Variants in DGKD observed in about 807,000 individuals in gnomAD.
The protein encoded by DGKD is diacylglycerol kinase delta.
A neutral mutation model predicts 154.4 loss-of-function variants in DGKD; 68 were observed. The observed-to-expected ratio is 0.44, with a 90% CI of 0.36 to 0.54. The LOEUF is 0.54. Ranked by LOEUF, DGKD falls within the 20% of genes least tolerant of loss-of-function variation. The pLI is 0.00. For missense variants in DGKD, 1,343 were observed against 1,593.6 expected, an observed-to-expected ratio of 0.84 and a Z score of 2.68; for synonymous variants, 693 against 638.0, an observed-to-expected ratio of 1.09 and a Z score of -1.30.
chr2:233,415,992 A>C (rs1288573610), intron 3 of DGKD, among the ~76,000 whole-genome samples: 1 of 152,198 alleles, frequency 6.6e-6, no homozygotes, highest in Non-Finnish European at 1.5e-5. Flanking sequence ...ACCAGAGGGA[A>C]AAGAAAAAAA....
In DGKD at chr2:233,388,253, T is replaced by G; in HGVS notation, c.157-4T>G. ...AGTTTATGAATATGTTTCTGTACTT[T>G]CAGACCATCATCAAAGAGGGGATGC... On this transcript the variant is annotated splice_polypyrimidine_tract_variant and splice_region_variant and intron_variant, in intron 1 of 29. Transcript: ENST00000264057. 6.2e-7 allele frequency: 1 copy of G among 1,611,552 alleles called. No homozygotes were observed. Among genetic ancestry groups the G allele is most frequent in the Non-Finnish European group, 8.5e-7 (1 of 1,179,392 alleles).
chr2:233,370,504 A>G (rs912396920), intron 1 of DGKD, among the ~76,000 whole-genome samples: 1 of 150,144 alleles, frequency 6.7e-6, no homozygotes, highest in South Asian at 2.1e-4. Context: ...TGCGTGAGCC[A>G]CCGCACCCGG....
In DGKD at chr2:233,388,494, T is replaced by G. The variant is rs907142879; in HGVS notation, c.267+127T>G. 3.6e-6 allele frequency: 3 copies of G among 836,048 alleles called. No homozygotes were observed. In the African/African-American group the frequency reaches 5.2e-5, roughly 14 times the overall value. 51.8% of individuals were successfully genotyped at this position (836,048 alleles called of 1,614,324 possible). On this transcript the variant is annotated intron_variant, in intron 2 of 29. Coordinates refer to ENST00000264057, the MANE Select transcript of DGKD (RefSeq NM_152879.3). The stretch of plus-strand genomic sequence containing the variant: ...TCAGATCTGTTATTGCCAGTGAGTT[T>G]TGTAACACTCCACGCTGTCAGGTTT...
chr2:233,467,033 A>C, intron 27 of DGKD, 53 bp from the exon 28 acceptor site: 5 of 1,412,132 alleles, frequency 3.5e-6, no homozygotes, highest in Non-Finnish European at 5.0e-6. Context: ...GATGGGCATG[A>C]GGCCGTGATC....
At chr2:233,383,258 C>G (rs1702995581) in intron 1 of DGKD, among the ~76,000 whole-genome samples, 2 of 152,122 alleles carry the variant, frequency 1.3e-5, no homozygotes, top group Admixed American at 1.3e-4. Context: ...CCAGGCTGGT[C>G]TCGAACTCCT....
chr2:233,381,488 A>G (rs1169250315), intron 1 of DGKD, among the ~76,000 whole-genome samples: 1 of 152,190 alleles, frequency 6.6e-6, no homozygotes, highest in African/African-American at 2.4e-5. Context: ...GAATTACTTA[A>G]TCCTCTGGCC....
intron 1 of DGKD, among the ~76,000 whole-genome samples, chr2:233,365,190 G>A (rs1701962523): frequency 6.6e-6 from 1 of 150,980 alleles, no homozygotes; most frequent in South Asian, 2.1e-4. Context: ...AGTAGACAAA[G>A]AAATTTGTAA....
At chr2:233,443,631 G>A (rs2062968972) in intron 10 of DGKD, among the ~76,000 whole-genome samples, 3 of 152,240 alleles carry the variant, frequency 2.0e-5, no homozygotes, top group Admixed American at 2.0e-4. Flanking sequence ...ATTCTGTGGT[G>A]CCTACCCAGC....
chr2:233,428,106 A>T (rs1489495816), intron 3 of DGKD, among the ~76,000 whole-genome samples: 2 of 152,132 alleles, frequency 1.3e-5, no homozygotes, highest in Admixed American at 1.3e-4. Context: ...GGCTGGTGTT[A>T]GGGGAACAGG....
chr2:233,370,496 C>T (rs1356622398), intron 1 of DGKD, among the ~76,000 whole-genome samples: 3 of 151,598 alleles, frequency 2.0e-5, no homozygotes, highest in East Asian at 1.9e-4. Flanking sequence ...GGATTACATG[C>T]GTGAGCCACC....
chr2:233,371,145 G>A (rs773184466), intron 1 of DGKD, among the ~76,000 whole-genome samples: 19 of 152,078 alleles, frequency 1.2e-4, no homozygotes, highest in Non-Finnish European at 1.9e-4. Context: ...AACCACAAAG[G>A]CTGCACCATT....
chr2:233,468,369 C>T, intron 28 of DGKD, 54 bp from the exon 29 acceptor site: 1 of 1,599,540 alleles, frequency 6.3e-7, no homozygotes, highest in Non-Finnish European at 8.5e-7. Context: ...CTGCTGCCTA[C>T]CTTGCACTGG....
At position 233,441,784 on chromosome 2, in the gene DGKD, C is replaced by T; in HGVS notation, c.1086-103C>T. On this transcript the variant is annotated intron_variant, in intron 9 of 29. Coordinates refer to ENST00000264057, the MANE Select transcript of DGKD (RefSeq NM_152879.3). The surrounding 1 kb of genome is among the most constrained non-coding windows in gnomAD (Gnocchi z 5.6). ...TGCGTGCTCTGCCTCTGGTGCAGGTCAGCCATGAGGAGCACAGGTGGCCCC... is the reference window on the plus strand; with the variant it reads ...TGCGTGCTCTGCCTCTGGTGCAGGTTAGCCATGAGGAGCACAGGTGGCCCC... 1 of 1,050,424 alleles carries T rather than the reference C, an allele frequency of 9.5e-7. No individual in the cohort carries two copies. The highest frequency in any genetic ancestry group is 1.4e-6 in the Non-Finnish European group (1 of 702,884). The allele number at this position is 1,050,424 out of a possible 1,614,324, so 65.1% of individuals were successfully genotyped here.
intron 3 of DGKD, among the ~76,000 whole-genome samples, chr2:233,407,280 A>T (rs953307521): frequency 6.6e-6 from 1 of 152,254 alleles, no homozygotes; most frequent in Non-Finnish European, 1.5e-5. Context: ...TTACAGATAT[A>T]TTAAAAATAG....
At chr2:233,394,553 A>G (rs1179802111) in intron 3 of DGKD, among the ~76,000 whole-genome samples, 1 of 152,110 alleles carries the variant, frequency 6.6e-6, no homozygotes, top group Non-Finnish European at 1.5e-5. Flanking sequence ...AGTTTGTGTC[A>G]TTAACTGTTC....
chr2:233,378,354 G>A (rs1702698425), intron 1 of DGKD, among the ~76,000 whole-genome samples: 1 of 151,500 alleles, frequency 6.6e-6, no homozygotes, highest in African/African-American at 2.4e-5. Context: ...AGAGGTTGCA[G>A]TGAGCCGAGA....
chr2:233,354,825 G>T lies in DGKD; in HGVS notation c.156+151G>T, dbSNP rs1343967006. On this transcript the variant is annotated intron_variant, in intron 1 of 29. Transcript: ENST00000264057. The surrounding 1 kb of genome is among the most constrained non-coding windows in gnomAD (Gnocchi z 4.8). Reference sequence around the variant, plus strand: ...TCACCGCCCCTGTCGAGCGTGCCCCGCCGCTGTAACGGGCCGGCGCCCCGG... The same window carrying T: ...TCACCGCCCCTGTCGAGCGTGCCCCTCCGCTGTAACGGGCCGGCGCCCCGG... 50 of 309,672 alleles carry T rather than the reference G, an allele frequency of 1.6e-4. No individual in the cohort carries two copies. Among genetic ancestry groups the T allele is most frequent in the African/African-American group, 1.1e-3 (46 of 43,670 alleles). 19.2% of individuals were successfully genotyped at this position (309,672 alleles called of 1,614,324 possible).
intron 1 of DGKD, among the ~76,000 whole-genome samples, chr2:233,364,938 A>G (rs1701952332): frequency 6.6e-6 from 1 of 152,232 alleles, no homozygotes; most frequent in Non-Finnish European, 1.5e-5. Flanking sequence ...GATACTATGC[A>G]AACACTAACC....
Position 233,459,676 on chromosome 2 carries a change from AGGTCAT to A in DGKD, c.2695-77_2695-72del. On this transcript the variant is annotated intron_variant, in intron 22 of 29. Transcript: ENST00000264057. This position sits in a 1 kb window ranked among gnomAD's most constrained non-coding sequence, Gnocchi z 5.7. ...GCAGGGACGGGTGTGTGGAGCAGGA[AGGTCAT>A]GGTGGTGCTGATAGCACTTTTAAAC... 6.5e-7 allele frequency: 1 copy of A among 1,540,284 alleles called. No individual in the cohort carries two copies. The highest frequency in any genetic ancestry group is 8.8e-7 in the Non-Finnish European group (1 of 1,140,038).
Sources: gnomAD v4.1 joint callset for allele counts (sites outside exome capture counted in the v4.1 genomes callset) on GRCh38, gnomAD v4.1.1 for gene constraint, Gnocchi (gnomAD v3.1) non-coding constraint, MANE v1.5 for transcripts, NCBI Gene and HGNC (gene_info 2026-07-23, HGNC 2026-07-21) for gene names.